TNFRSF10B: variants seen among roughly 807,000 people sequenced by gnomAD.
TNFRSF10B encodes TNF receptor superfamily member 10b.
Under a neutral mutation model 41.4 loss-of-function variants are expected in TNFRSF10B, and 35 were observed. The ratio of observed to expected loss-of-function variants is 0.85; its 90% CI spans 0.65 to 1.12. The LOEUF is 1.12. TNFRSF10B is among the 50% of genes most tolerant of loss of function. The pLI, the probability that TNFRSF10B is intolerant of heterozygous loss-of-function variation, is 0.00. For missense variants in TNFRSF10B, 584 were observed against 552.7 expected (o/e 1.06, Z -0.57); for synonymous variants, 230 against 215.5 (o/e 1.07, Z -0.59).
chr8:23,047,831 T>C (rs1410661980), intron 1 of TNFRSF10B, among the ~76,000 whole-genome samples: 1 of 152,244 alleles, frequency 6.6e-6, no homozygotes, highest in Admixed American at 6.5e-5. Flanking sequence ...AATTATTATA[T>C]GCTCCAGCAA....
rs188700004 is a variant in TNFRSF10B, at chr8:23,041,085, G to A, written c.250+2053C>T. 7.5e-4 allele frequency among the ~76,000 whole-genome samples: 112 copies of A among 148,692 alleles called. 1 individual carries two copies. The East Asian group carries it at 0.019, about 26-fold the overall frequency. The stretch of plus-strand genomic sequence containing the variant: ...TGTTGTTTTTTTTTTTTGAGACAGG[G>A]TCTCACTCTGTCACCCAGGCTGAAG... On this transcript the variant is annotated intron_variant, in intron 2 of 8. Coordinates refer to ENST00000276431, the MANE Select transcript of TNFRSF10B (RefSeq NM_003842.5).
rs542846039 is a variant in TNFRSF10B at position 23,055,915 on chromosome 8, A to T, written c.145-12672T>A. Among the ~76,000 whole-genome samples, 379 of 152,340 alleles carry T rather than the reference A, an allele frequency of 2.5e-3. 4 individuals carry two copies. The Middle Eastern group carries it at 0.051, about 21-fold the overall frequency. On this transcript the variant is annotated intron_variant, in intron 1 of 8. Transcript: ENST00000276431. ...AATGCACACTTACATGTAGACATAT[A>T]GGTTAGAAAGGATATAAGCTCTGAA...
chr8:23,027,642 ACCC>A lies in TNFRSF10B; in HGVS notation c.780+77_780+79del, dbSNP rs1180697531. The stretch of plus-strand genomic sequence containing the variant: ...CAGGGCAGCCATGAGGACAATGGGG[ACCC>A]ACCCACCCAGGTTCTGCTGTCCCAG... On this transcript the variant is annotated intron_variant, in intron 6 of 8. Coordinates refer to ENST00000276431, the MANE Select transcript of TNFRSF10B (RefSeq NM_003842.5). 2.5e-6 allele frequency: 4 copies of A among 1,593,694 alleles called. No homozygotes were observed. The African/African-American group carries it at 5.4e-5, about 21-fold the overall frequency.
intron 2 of TNFRSF10B, among the ~76,000 whole-genome samples, chr8:23,032,777 C>T (rs1457804697): frequency 6.6e-6 from 1 of 152,138 alleles, no homozygotes; most frequent in Non-Finnish European, 1.5e-5. Context: ...TTGACAATGA[C>T]ATAAAAATGA....
At chr8:23,039,483 G>T (rs1812110743) in intron 2 of TNFRSF10B, among the ~76,000 whole-genome samples, 1 of 152,058 alleles carries the variant, frequency 6.6e-6, no homozygotes, top group Non-Finnish European at 1.5e-5. Flanking sequence ...TTCTATTGAG[G>T]CTTTCAACTG....
chr8:23,021,064 C>A lies in TNFRSF10B; in HGVS notation c.*1607G>T. Reference sequence around the variant, plus strand: ...CAAACCAGTCCCGGAACAAAACACACAATGCCTTGAGACAGAAAAGACCAA... The same window carrying A: ...CAAACCAGTCCCGGAACAAAACACAAAATGCCTTGAGACAGAAAAGACCAA... On this transcript the variant is annotated 3_prime_UTR_variant, in exon 9 of 9. Coordinates refer to ENST00000276431, the MANE Select transcript of TNFRSF10B (RefSeq NM_003842.5). 4.4e-6 allele frequency: 2 copies of A among 454,130 alleles called. No homozygotes were observed. Among genetic ancestry groups the A allele is most frequent in the South Asian group, 3.1e-5 (2 of 64,480 alleles). 28.1% of individuals were successfully genotyped at this position (454,130 alleles called of 1,614,324 possible). A position where few individuals can be genotyped will look rare whatever the true frequency, so the allele number is the denominator to read the frequency against.
chr8:23,053,460 A>G (rs902342020), intron 1 of TNFRSF10B, among the ~76,000 whole-genome samples: 1 of 151,362 alleles, frequency 6.6e-6, no homozygotes, highest in African/African-American at 2.4e-5. Context: ...TTAAAAGGTT[A>G]AAGGATTGTT....
chr8:23,054,405 A>C (rs1443304454), intron 1 of TNFRSF10B, among the ~76,000 whole-genome samples: 1 of 152,200 alleles, frequency 6.6e-6, no homozygotes, highest in African/African-American at 2.4e-5. Context: ...CTATGAACAA[A>C]ATTTGGAGCA....
In TNFRSF10B at chr8:23,068,903, G is replaced by A. The variant is rs751560349; in HGVS notation, c.-9C>T. The A allele has an allele frequency of 6.2e-7, 1 of 1,613,416 alleles. No homozygotes were observed. Among genetic ancestry groups the A allele is most frequent in the Non-Finnish European group, 8.5e-7 (1 of 1,179,956 alleles). ...TGTCCCCGTTGTTCCATGGCGGTAG[G>A]GAACGCTCTTATAGTCTCTCAGGCC... is the stretch of plus-strand genomic sequence containing the variant. On this transcript the variant is annotated 5_prime_UTR_variant, in exon 1 of 9. Transcript: ENST00000276431.
chr8:23,054,652 T>C (rs1812610586), intron 1 of TNFRSF10B, among the ~76,000 whole-genome samples: 1 of 152,186 alleles, frequency 6.6e-6, no homozygotes, highest in African/African-American at 2.4e-5. Context: ...TTTGTGTACA[T>C]AGACCCTGTA....
At chr8:23,036,144 G>A (rs1468278590) in intron 2 of TNFRSF10B, among the ~76,000 whole-genome samples, 1 of 152,190 alleles carries the variant, frequency 6.6e-6, no homozygotes, top group Non-Finnish European at 1.5e-5. Context: ...CCTTAGTGCA[G>A]ACTGAATGGT....
At position 23,028,585 on chromosome 8, in the gene TNFRSF10B, A is replaced by C; in HGVS notation, c.494T>G (p.Val165Gly). 6.2e-7 allele frequency: 1 copy of C among 1,613,860 alleles called. No homozygotes were observed. The highest frequency in any genetic ancestry group is 1.7e-5 in the Admixed American group (1 of 59,994). The change falls in exon 5 of 9, where the codon GTC (valine) becomes GGC (glycine). Residue 165 changes from valine (V) to glycine (G), a missense_variant. Physicochemically the swap from Val to Gly is moderately radical, Grantham distance 109. Transcript: ENST00000276431. ...CCAGGGTGTACAATCACCGACCTTG[A>C]CCATCCCTCTGGGACACCTGGGTAC... is the stretch of plus-strand genomic sequence containing the variant. Reference protein sequence around the residue: ...KCRTGCPRGMVKVGDCTPWSD... With the variant: ...KCRTGCPRGMGKVGDCTPWSD...
intron 7 of TNFRSF10B, 77 bp from the exon 8 acceptor site, chr8:23,024,337 G>C (rs1563304870): frequency 6.6e-7 from 1 of 1,515,972 alleles, no homozygotes; most frequent in Non-Finnish European, 9.2e-7. Flanking sequence ...CCACCAGCCA[G>C]CTCTGAGACC....
intron 3 of TNFRSF10B, 135 bp from the exon 4 acceptor site, chr8:23,029,856 C>A (rs1811827338): frequency 7.6e-6 from 6 of 792,440 alleles, no homozygotes; most frequent in Non-Finnish European, 8.5e-6. Context: ...TCTGCACCAG[C>A]ACACTCATGG....
chr8:23,065,053 T>C (rs1030835403), intron 1 of TNFRSF10B, among the ~76,000 whole-genome samples: 15 of 152,160 alleles, frequency 9.9e-5, no homozygotes, highest in Non-Finnish European at 2.1e-4. Context: ...GTGACAGTGG[T>C]GGGACCTCAT....
At chr8:23,036,472 C>T (rs1812033386) in intron 2 of TNFRSF10B, among the ~76,000 whole-genome samples, 2 of 152,222 alleles carry the variant, frequency 1.3e-5, no homozygotes, top group Admixed American at 6.5e-5. Flanking sequence ...TTCTGCACCA[C>T]ATACAGGTAA....
chr8:23,024,284 C>G (rs756208244), intron 7 of TNFRSF10B, 24 bp from the exon 8 acceptor site: 1 of 1,613,838 alleles, frequency 6.2e-7, no homozygotes, highest in Non-Finnish European at 8.5e-7. Flanking sequence ...TGGGGAATGT[C>G]CTGGTCAGAG....
At chr8:23,045,962 A>G (rs1419764745) in intron 1 of TNFRSF10B, among the ~76,000 whole-genome samples, 1 of 152,238 alleles carries the variant, frequency 6.6e-6, no homozygotes, top group Non-Finnish European at 1.5e-5. Context: ...TTATATGACA[A>G]GCTTACAGCT....
chr8:23,047,578 T>C (rs1351152445), intron 1 of TNFRSF10B, among the ~76,000 whole-genome samples: 1 of 151,120 alleles, frequency 6.6e-6, no homozygotes, highest in Non-Finnish European at 1.5e-5. Context: ...GACACACAAA[T>C]GGTCAACAGA....
Sources: gnomAD v4.1 joint callset for allele counts (sites outside exome capture counted in the v4.1 genomes callset) on GRCh38, gnomAD v4.1.1 for gene constraint, MANE v1.5 for transcripts, NCBI Gene and HGNC (gene_info 2026-07-23, HGNC 2026-07-21) for gene names.